JKAMP: variants seen among roughly 807,000 people sequenced by gnomAD.
JKAMP encodes the protein JNK1/MAPK8-associated membrane protein.
In JKAMP, 20 loss-of-function variants were observed where a neutral mutation model predicts 40.2. The ratio of observed to expected loss-of-function variants is 0.50; its 90% confidence interval spans 0.35 to 0.72. JKAMP has a LOEUF of 0.72. JKAMP is among the 30% of genes least tolerant of loss of function. The probability of loss-of-function intolerance (pLI) is 0.01; values close to 1 mark genes in which losing one functional copy is unlikely to be tolerated. For synonymous variants in JKAMP, 138 were observed against 131.6 expected (o/e 1.05, Z -0.33); for missense variants, 276 against 373.0 (o/e 0.74, Z 2.14).
rs376504445 is a variant in JKAMP, at chr14:59,499,787, C to T, written c.640+879C>T. Among the ~76,000 whole-genome samples the T allele has an allele frequency of 1.7e-4, 26 of 152,106 alleles. 2 individuals carry two copies. The highest frequency in any genetic ancestry group is 8.5e-4 in the Admixed American group (13 of 15,276). ...CAAGGGAACCAGAAATTCTGTTATC[C>T]GCCATATTCTGGTTTACAGATGAAC... On this transcript the variant is annotated intron_variant, in intron 5 of 6. Transcript: ENST00000616435.
intron 1 of JKAMP, 120 bp downstream of exon 1, chr14:59,484,713 T>C (rs1047669971): frequency 7.8e-7 from 1 of 1,279,840 alleles, no homozygotes. Flanking sequence ...GGCTCGCCCC[T>C]TGACCCCGCC....
At chr14:59,493,089 C>T (rs1054770558) in intron 3 of JKAMP, among the ~76,000 whole-genome samples, 27 of 152,214 alleles carry the variant, frequency 1.8e-4, no homozygotes, top group African/African-American at 5.5e-4. Context: ...TGAGCCACCA[C>T]GCCCAGCCAA....
rs910746670 is a variant in JKAMP at position 59,496,245 on chromosome 14, G to GAT, written c.458+1033_458+1034dup. On this transcript the variant is annotated intron_variant, in intron 4 of 6. Coordinates refer to ENST00000616435, the MANE Select transcript of JKAMP (RefSeq NM_016475.5). ...CTTAGGTATGGCAAATTATTTTATA[G>GAT]ATATATATATATAGCTATAATTTAT... Among the ~76,000 whole-genome samples, 614 of 150,158 alleles carry GAT rather than the reference G, an allele frequency of 4.1e-3. 3 individuals carry two copies. The highest frequency in any genetic ancestry group is 0.014 in the African/African-American group (560 of 41,052).
At chr14:59,493,314 C>T (rs1891176553) in intron 3 of JKAMP, among the ~76,000 whole-genome samples, 1 of 152,188 alleles carries the variant, frequency 6.6e-6, no homozygotes, top group Non-Finnish European at 1.5e-5. Flanking sequence ...GGTTGTGCTT[C>T]CAGCTAACAG....
intron 4 of JKAMP, among the ~76,000 whole-genome samples, chr14:59,498,224 T>C (rs1387617285): frequency 6.6e-6 from 1 of 152,234 alleles, no homozygotes; most frequent in Admixed American, 6.5e-5. Context: ...TGACATGCTA[T>C]CTTGTAAGTT....
chr14:59,500,734 A>G (rs1346716939), intron 5 of JKAMP: 1 of 152,788 alleles, frequency 6.5e-6, no homozygotes, highest in African/African-American at 2.4e-5. Flanking sequence ...TCTAGAATGC[A>G]GAGGAGAGAA....
Position 59,505,350 on chromosome 14 carries a change from T to A in JKAMP, c.*1278T>A. ...TAAAAAATAAATATAAAAATTTTAT[T>A]TGTATTGCACACATTTGGGGGGTTA... On this transcript the variant is annotated 3_prime_UTR_variant, in exon 7 of 7. Transcript: ENST00000616435. The A allele has an allele frequency of 8.3e-7, 1 of 1,209,066 alleles. No homozygotes were observed. Among genetic ancestry groups the A allele is most frequent in the Non-Finnish European group, 1.1e-6 (1 of 878,640 alleles). The allele number at this position is 1,209,066 out of a possible 1,614,324, so 74.9% of individuals were successfully genotyped here.
intron 3 of JKAMP, among the ~76,000 whole-genome samples, chr14:59,492,958 C>T (rs530276224): frequency 1.3e-5 from 2 of 152,028 alleles, no homozygotes; most frequent in Admixed American, 6.6e-5. Flanking sequence ...CCACCACGCC[C>T]GGCCAATTTT....
chr14:59,498,541 C>CCATT (rs1228909268), intron 4 of JKAMP, among the ~76,000 whole-genome samples, 186 bp from the exon 5 acceptor site: 2 of 152,136 alleles, frequency 1.3e-5, no homozygotes, highest in Non-Finnish European at 2.9e-5. Flanking sequence ...AAGAAAGCAA[C>CCATT]CATTGTACCC....
intron 6 of JKAMP, among the ~76,000 whole-genome samples, chr14:59,502,599 A>G (rs1423296438): frequency 1.3e-5 from 2 of 152,144 alleles, no homozygotes; most frequent in African/African-American, 2.4e-5. Context: ...TCATCTGTAG[A>G]TGATCCTCAT....
chr14:59,493,753 G>C (rs912868679), intron 3 of JKAMP, among the ~76,000 whole-genome samples: 24 of 152,098 alleles, frequency 1.6e-4, no homozygotes, highest in Non-Finnish European at 3.1e-4. Context: ...ATATGGAAGA[G>C]CAAAGGGCCA....
intron 3 of JKAMP, among the ~76,000 whole-genome samples, chr14:59,493,863 A>G (rs1891219511): frequency 1.3e-5 from 2 of 152,228 alleles, no homozygotes; most frequent in African/African-American, 2.4e-5. Context: ...AATGGACTCA[A>G]GAAACAGAAT....
intron 3 of JKAMP, among the ~76,000 whole-genome samples, chr14:59,491,400 G>A (rs1160090512): frequency 1.3e-5 from 2 of 152,214 alleles, no homozygotes; most frequent in Non-Finnish European, 2.9e-5. Context: ...GTGTCTGGCT[G>A]TAGATAGGTT....
At chr14:59,499,784 A>G (rs1891735624) in intron 5 of JKAMP, among the ~76,000 whole-genome samples, 1 of 152,208 alleles carries the variant, frequency 6.6e-6, no homozygotes, top group African/African-American at 2.4e-5. Context: ...AAATTCTGTT[A>G]TCCGCCATAT....
intron 3 of JKAMP, among the ~76,000 whole-genome samples, chr14:59,489,179 G>A (rs1483456569): frequency 4.6e-5 from 6 of 130,068 alleles, no homozygotes; most frequent in African/African-American, 1.6e-4. Flanking sequence ...TTTAGACTCC[G>A]CTTTCCTTTT....
chr14:59,496,825 G>T (rs1264862554), intron 4 of JKAMP, among the ~76,000 whole-genome samples: 1 of 152,190 alleles, frequency 6.6e-6, no homozygotes, highest in South Asian at 2.1e-4. Flanking sequence ...TGCCTGCCTT[G>T]TTTTATTATT....
chr14:59,504,015 C>T lies in JKAMP; in HGVS notation c.879C>T (p.Phe293=), dbSNP rs755872922. Residue 293 remains phenylalanine (F), a synonymous_variant, in exon 7 of 7, where the codon TTC becomes TTT. Transcript: ENST00000616435. ...LVPTPALFYL[F]TAKFTEPSRI... is the part of the protein sequence containing the mutation. ...CTACACCAGCCCTTTTTTACTTGTT[C>T]ACTGCAAAATTTACCGAACCTTCAA... 7 of 1,613,756 alleles carry T rather than the reference C, an allele frequency of 4.3e-6. No homozygotes were observed. The East Asian group carries it at 1.6e-4, about 36-fold the overall frequency.
At position 59,486,759 on chromosome 14, in the gene JKAMP, C is replaced by T; in HGVS notation, c.51C>T (p.Thr17=). The T allele has an allele frequency of 1.3e-6, 2 of 1,595,674 alleles. No individual in the cohort carries two copies. The highest frequency in any genetic ancestry group is 8.5e-7 in the Non-Finnish European group (1 of 1,169,876). The change falls in exon 2 of 7, where the codon ACC becomes ACT. Residue 17 remains threonine, a synonymous_variant. Coordinates refer to ENST00000616435, the MANE Select transcript of JKAMP (RefSeq NM_016475.5). The part of the protein sequence containing the change: ...PACLGLYCGK[T]LLFKNGSTEI... ...GCCTTGGACTTTATTGTGGGAAGAC[C>T]CTATTATTTAAAAATGGCTCAACTG...
chr14:59,487,906 T>C (rs1346729811), intron 3 of JKAMP, 78 bp downstream of exon 3: 1 of 1,286,792 alleles, frequency 7.8e-7, no homozygotes, highest in Admixed American at 1.8e-5. Flanking sequence ...ATTAAGTAAT[T>C]ATGCTTCTTC....
Sources: allele counts gnomAD v4.1 joint callset (sites outside exome capture counted in the v4.1 genomes callset), GRCh38; gene constraint gnomAD v4.1.1; transcripts MANE v1.5; gene names NCBI Gene and HGNC (gene_info 2026-07-23, HGNC 2026-07-21).